CCDC66: variants seen among roughly 807,000 people sequenced by gnomAD.
The protein encoded by CCDC66 is coiled-coil domain containing 66.
CCDC66 carries 133 observed loss-of-function variants against 128.3 expected under a neutral mutation model. That is an observed-to-expected ratio of 1.04 (90% confidence interval 0.90 to 1.20). The LOEUF (loss-of-function observed/expected upper bound fraction) is 1.20. Among genes scored for constraint, CCDC66 ranks in the 50% most tolerant of loss-of-function variants. CCDC66 has a pLI of 0.00. For missense variants in CCDC66, 1,126 were observed against 1,075.5 expected (o/e 1.05, Z -0.66); for synonymous variants, 387 against 357.0 (o/e 1.08, Z -0.95).
At chr3:56,568,543 C>G (rs1370366631) in intron 6 of CCDC66, among the ~76,000 whole-genome samples, 1 of 152,100 alleles carries the variant, frequency 6.6e-6, no homozygotes, top group Non-Finnish European at 1.5e-5. Context: ...AAGTGTGCAC[C>G]AAAAACATTA....
rs1293223513 is a variant in CCDC66, at chr3:56,615,973, A to G, written c.1763A>G (p.His588Arg). Residue 588 changes from histidine to arginine, a missense_variant, in exon 13 of 18, where the codon CAT (histidine) becomes CGT (arginine). His to Arg is a conservative substitution (Grantham distance 29). Coordinates refer to ENST00000394672, the MANE Select transcript of CCDC66 (RefSeq NM_001141947.3). Reference sequence around the variant, plus strand: ...GCATCTAACATTTCAAATTCAAGACATGATTCTGATGAAATCAGTGGTAAA... The same window carrying G: ...GCATCTAACATTTCAAATTCAAGACGTGATTCTGATGAAATCAGTGGTAAA... ...YNASNISNSR[H>R]DSDEISGKMN... is the part of the protein sequence containing the mutation. 1.3e-6 allele frequency: 2 copies of G among 1,598,206 alleles called. No individual in the cohort carries two copies. The highest frequency in any genetic ancestry group is 1.7e-6 in the Non-Finnish European group (2 of 1,170,874).
rs2075136417 is a variant in CCDC66 at position 56,613,632 on chromosome 3, A to G, written c.1448A>G (p.Gln483Arg). The G allele has an allele frequency of 6.2e-7, 1 of 1,613,960 alleles. No individual in the cohort carries two copies. Among genetic ancestry groups the G allele is most frequent in the Non-Finnish European group, 8.5e-7 (1 of 1,179,942 alleles). ...GTAGAAGAGAAGCGCAGGAAGAAACAACTGGAGGAAGAGCAAAGAAAGAAG... is the reference window on the plus strand; with the variant it reads ...GTAGAAGAGAAGCGCAGGAAGAAACGACTGGAGGAAGAGCAAAGAAAGAAG... ...AQVEEKRRKKQLEEEQRKKEE... is the reference protein window; with the variant it reads ...AQVEEKRRKKRLEEEQRKKEE... The change falls in exon 11 of 18, where the codon CAA becomes CGA. Residue 483 changes from glutamine to arginine, a missense_variant. Physicochemically the swap from Gln to Arg is conservative, Grantham distance 43. Transcript: ENST00000394672.
intron 7 of CCDC66, among the ~76,000 whole-genome samples, chr3:56,592,631 C>G (rs995054684): frequency 2.6e-5 from 4 of 151,868 alleles, no homozygotes; most frequent in African/African-American, 9.7e-5. Flanking sequence ...TCCCAACATG[C>G]TGGGATTATA....
intron 13 of CCDC66, chr3:56,616,312 C>T (rs2075501920): frequency 6.2e-6 from 2 of 324,744 alleles, no homozygotes; most frequent in African/African-American, 4.6e-5. Context: ...ACTCTAGAAA[C>T]ACTGTACCCA....
At chr3:56,564,204 G>T in intron 4 of CCDC66, 79 bp downstream of exon 4, 1 of 1,070,184 alleles carries the variant, frequency 9.3e-7, no homozygotes. Context: ...TGGGTTTTAT[G>T]TAACTGTGAC....
At chr3:56,573,960 T>C (rs1220877859) in intron 7 of CCDC66, among the ~76,000 whole-genome samples, 1 of 151,434 alleles carries the variant, frequency 6.6e-6, no homozygotes, top group Non-Finnish European at 1.5e-5. Flanking sequence ...TCAAAAGTTG[T>C]GGGGGTTGAT....
rs2065896360 is a variant in CCDC66, at chr3:56,566,605, C to T, written c.556C>T (p.Leu186=). The part of the protein sequence containing the change: ...NGKEAKSQYS[L]YLNSISNQPK... ...ATTTTACCTCCTAGGTCAATATAGTCTATATTTAAACAGTATTTCTAATCA... is the reference window on the plus strand; with the variant it reads ...ATTTTACCTCCTAGGTCAATATAGTTTATATTTAAACAGTATTTCTAATCA... Residue 186 remains leucine, a synonymous_variant, in exon 5 of 18, where the codon CTA becomes TTA. Transcript: ENST00000394672. The T allele has an allele frequency of 6.4e-7, 1 of 1,568,644 alleles. No individual in the cohort carries two copies. Among genetic ancestry groups the T allele is most frequent in the Non-Finnish European group, 8.8e-7 (1 of 1,141,166 alleles).
chr3:56,617,959 T>C, intron 14 of CCDC66: 1 of 594,002 alleles, frequency 1.7e-6, no homozygotes, highest in Non-Finnish European at 3.0e-6. Context: ...AAAACCCTTG[T>C]TTATAGTCCA....
intron 10 of CCDC66, among the ~76,000 whole-genome samples, chr3:56,595,195 C>CCAGAGTATT (rs1289461724): frequency 1.3e-5 from 2 of 152,120 alleles, no homozygotes; most frequent in African/African-American, 4.8e-5. Flanking sequence ...AATGATTCAG[C>CCAGAGTATT]CAGAGTATTC....
rs371422194 is a variant in CCDC66 at position 56,593,744 on chromosome 3, A to G, written c.1319+3A>G. On this transcript the variant is annotated splice_donor_region_variant and intron_variant, in intron 9 of 17. Coordinates refer to ENST00000394672, the MANE Select transcript of CCDC66 (RefSeq NM_001141947.3). Reference sequence around the variant, plus strand: ...ATGGCAAACAGTAAGAAAACAAAGTAAGTTCATGCTTATGTATTTATTGAC... The same window carrying G: ...ATGGCAAACAGTAAGAAAACAAAGTGAGTTCATGCTTATGTATTTATTGAC... 5.0e-5 allele frequency: 81 copies of G among 1,609,752 alleles called. No homozygotes were observed. The highest frequency in any genetic ancestry group is 1.7e-4 in the Admixed American group (10 of 59,934).
chr3:56,566,831 T>C (rs2065924537), intron 5 of CCDC66, 72 bp downstream of exon 5: 1 of 1,500,054 alleles, frequency 6.7e-7, no homozygotes, highest in Admixed American at 1.9e-5. Context: ...TTTACTTGCA[T>C]GTGAAATAGT....
intron 1 of CCDC66, among the ~76,000 whole-genome samples, chr3:56,558,212 G>T (rs1213132391): frequency 6.6e-6 from 1 of 152,038 alleles, no homozygotes. Context: ...CTGAATTATG[G>T]ACTGTATGTA....
intron 10 of CCDC66, among the ~76,000 whole-genome samples, chr3:56,611,632 C>T (rs1376344973): frequency 6.9e-6 from 1 of 145,616 alleles, no homozygotes; most frequent in African/African-American, 2.5e-5. Flanking sequence ...CAAAGTTCAT[C>T]TAGAGAAGTA....
chr3:56,588,695 GAATC>G (rs1312076982), intron 7 of CCDC66, among the ~76,000 whole-genome samples: 3 of 152,052 alleles, frequency 2.0e-5, no homozygotes, highest in Non-Finnish European at 4.4e-5. Flanking sequence ...TGGGGACACA[GAATC>G]AAACCATATA....
chr3:56,569,036 G>A (rs2066267374), intron 6 of CCDC66, among the ~76,000 whole-genome samples: 1 of 152,190 alleles, frequency 6.6e-6, no homozygotes, highest in African/African-American at 2.4e-5. Flanking sequence ...TGGGATAGAT[G>A]ATTTAGAAAA....
At chr3:56,568,771 T>G (rs961641302) in intron 6 of CCDC66, among the ~76,000 whole-genome samples, 2 of 152,232 alleles carry the variant, frequency 1.3e-5, no homozygotes, top group African/African-American at 4.8e-5. Flanking sequence ...TAGACAGAAA[T>G]AAGCTTATTG....
chr3:56,608,630 T>G (rs1421994567), intron 10 of CCDC66, among the ~76,000 whole-genome samples: 1 of 152,090 alleles, frequency 6.6e-6, no homozygotes, highest in Non-Finnish European at 1.5e-5. Context: ...TGATGTTGGT[T>G]GTTTCCTTTC....
intron 6 of CCDC66, among the ~76,000 whole-genome samples, chr3:56,568,655 A>G (rs896402678): frequency 5.3e-5 from 8 of 152,226 alleles, no homozygotes; most frequent in African/African-American, 9.6e-5. Flanking sequence ...CAGACATCCT[A>G]TGCGTTTAAG....
intron 10 of CCDC66, among the ~76,000 whole-genome samples, chr3:56,596,216 G>C (rs1284715733): frequency 6.6e-6 from 1 of 152,064 alleles, no homozygotes; most frequent in African/African-American, 2.4e-5. Context: ...ACCGGGCCCA[G>C]CATTTTTGTC....
Sources: allele counts gnomAD v4.1 joint callset (sites outside exome capture counted in the v4.1 genomes callset), GRCh38; gene constraint gnomAD v4.1.1; transcripts MANE v1.5; gene names NCBI Gene and HGNC (gene_info 2026-07-23, HGNC 2026-07-21).